The following MAB21L3 variants were observed in gnomAD, a reference collection of about 807,000 sequenced individuals.
MAB21L3 encodes the protein protein mab-21-like 3.
A neutral mutation model predicts 37.7 loss-of-function variants in MAB21L3; 36 were observed. The ratio of observed to expected loss-of-function variants is 0.96; its 90% CI spans 0.73 to 1.26. The LOEUF is 1.26. MAB21L3 is among the 50% of genes most tolerant of loss of function. The probability of loss-of-function intolerance (pLI) is 0.00; values close to 1 mark genes in which losing one functional copy is unlikely to be tolerated. For missense variants in MAB21L3, 430 were observed against 447.3 expected, an observed-to-expected ratio of 0.96 and a Z score of 0.35; for synonymous variants, 186 against 176.8, an observed-to-expected ratio of 1.05 and a Z score of -0.41.
At chr1:116,112,124 G>T (rs939823686) in intron 2 of MAB21L3, among the ~76,000 whole-genome samples, 1 of 152,142 alleles carries the variant, frequency 6.6e-6, no homozygotes, top group Non-Finnish European at 1.5e-5. Context: ...AGAGCAAGGG[G>T]TGTTTACTGT....
intron 7 of MAB21L3, among the ~76,000 whole-genome samples, chr1:116,130,647 G>C (rs976273736): frequency 2.0e-5 from 3 of 152,204 alleles, no homozygotes; most frequent in African/African-American, 7.2e-5. Flanking sequence ...ACTCAGCCTT[G>C]CCTCACCTTA....
intron 7 of MAB21L3, among the ~76,000 whole-genome samples, chr1:116,129,781 T>A (rs910256705): frequency 1.3e-5 from 2 of 152,252 alleles, no homozygotes; most frequent in African/African-American, 4.8e-5. Flanking sequence ...ACTCAACTTT[T>A]CTCTTTTTTT....
At chr1:116,124,774 A>C (rs1008244283) in intron 5 of MAB21L3, among the ~76,000 whole-genome samples, 2 of 152,112 alleles carry the variant, frequency 1.3e-5, no homozygotes, top group African/African-American at 2.4e-5. Flanking sequence ...ACATTTGGAA[A>C]CCACTAACTT....
chr1:116,123,421 A>T (rs766305240), intron 4 of MAB21L3, among the ~76,000 whole-genome samples: 1 of 152,068 alleles, frequency 6.6e-6, no homozygotes, highest in African/African-American at 2.4e-5. Context: ...AAAAAAGGAG[A>T]TATTTTACAA....
At chr1:116,125,166 T>C (rs114654522) in intron 5 of MAB21L3, among the ~76,000 whole-genome samples, 2,724 of 152,162 alleles carry the variant, frequency 0.018, 37 homozygotes, top group Middle Eastern at 0.065. Flanking sequence ...CTAAAAGAAA[T>C]GAAAAGTTTG....
rs1557936507 is a variant in MAB21L3 at position 116,134,930 on chromosome 1, A to G, written c.*1565A>G. ...TTTTGCCCAAATGTCTATACCAAAGATAAATTTCTAAAGCATGAACTACTG... is the reference window on the plus strand; with the variant it reads ...TTTTGCCCAAATGTCTATACCAAAGGTAAATTTCTAAAGCATGAACTACTG... On this transcript the variant is annotated 3_prime_UTR_variant, in exon 8 of 8. Coordinates refer to ENST00000369500, the MANE Select transcript of MAB21L3 (RefSeq NM_152367.3). 6.6e-6 allele frequency: 1 copy of G among 152,254 alleles called. No homozygotes were observed. Among genetic ancestry groups the G allele is most frequent in the African/African-American group, 2.4e-5 (1 of 41,466 alleles). 9.4% of individuals were successfully genotyped at this position (152,254 alleles called of 1,614,324 possible).
chr1:116,137,407 A>T lies in MAB21L3; in HGVS notation c.*4042A>T, dbSNP rs1660218133. Reference sequence around the variant, plus strand: ...CATCACTGGCCATCAGAGAAATGCAAATCAAAACCACAGTGAGATACCATC... The same window carrying T: ...CATCACTGGCCATCAGAGAAATGCATATCAAAACCACAGTGAGATACCATC... On this transcript the variant is annotated 3_prime_UTR_variant, in exon 8 of 8. Transcript: ENST00000369500. 7.7e-6 allele frequency among the ~76,000 whole-genome samples: 1 copy of T among 129,334 alleles called. No individual in the cohort carries two copies. Among genetic ancestry groups the T allele is most frequent in the Non-Finnish European group, 1.5e-5 (1 of 65,584 alleles). The allele number at this position is 129,334 out of a possible 152,430, so 84.8% of individuals were successfully genotyped here.
At position 116,134,617 on chromosome 1, in the gene MAB21L3, G is replaced by A. The variant is rs1257230139; in HGVS notation, c.*1252G>A. The stretch of plus-strand genomic sequence containing the variant: ...ATCAGTATTTTATTCTAAGATCAAA[G>A]GTGTGACATTTGGCCTCTCCAGAAG... On this transcript the variant is annotated 3_prime_UTR_variant, in exon 8 of 8. Coordinates refer to ENST00000369500, the MANE Select transcript of MAB21L3 (RefSeq NM_152367.3). 6.6e-6 allele frequency: 1 copy of A among 152,212 alleles called. No homozygotes were observed. The highest frequency in any genetic ancestry group is 1.9e-4 in the East Asian group (1 of 5,206). 9.4% of individuals were successfully genotyped at this position (152,212 alleles called of 1,614,324 possible).
At chr1:116,118,749 A>T (rs1040012372) in intron 3 of MAB21L3, among the ~76,000 whole-genome samples, 5 of 152,192 alleles carry the variant, frequency 3.3e-5, no homozygotes, top group African/African-American at 1.2e-4. Context: ...CTGGCTCAAT[A>T]CCTGCTATTT....
At chr1:116,132,127 G>A (rs1164191210) in intron 7 of MAB21L3, among the ~76,000 whole-genome samples, 1 of 152,144 alleles carries the variant, frequency 6.6e-6, no homozygotes, top group African/African-American at 2.4e-5. Flanking sequence ...CGATAAGCAG[G>A]TCAGAGGAGA....
rs1265247121 is a variant in MAB21L3 at position 116,111,400 on chromosome 1, C to T, written c.-502C>T. On this transcript the variant is annotated 5_prime_UTR_variant, in exon 1 of 8. Transcript: ENST00000369500. The stretch of plus-strand genomic sequence containing the variant: ...GCTCTGATGCGGCTTTTGCTTGGGG[C>T]AGAGTATGGGAAGATATGCAAACGC... Among the ~76,000 whole-genome samples, 1 of 152,042 alleles carries T rather than the reference C, an allele frequency of 6.6e-6. No individual in the cohort carries two copies. Among genetic ancestry groups the T allele is most frequent in the African/African-American group, 2.4e-5 (1 of 41,382 alleles).
chr1:116,131,468 T>C (rs1175643098), intron 7 of MAB21L3, among the ~76,000 whole-genome samples: 1 of 152,222 alleles, frequency 6.6e-6, no homozygotes, highest in Non-Finnish European at 1.5e-5. Context: ...AGGATGATGT[T>C]TTTAGCTAAC....
At chr1:116,128,406 C>T (rs1444235422) in intron 7 of MAB21L3, 67 bp downstream of exon 7, 1 of 1,465,304 alleles carries the variant, frequency 6.8e-7, no homozygotes, top group East Asian at 2.4e-5. Context: ...CCTGTGGCCT[C>T]TGTAGGGCCT....
chr1:116,119,054 A>G (rs1431597700), intron 3 of MAB21L3, among the ~76,000 whole-genome samples: 1 of 152,250 alleles, frequency 6.6e-6, no homozygotes, highest in Non-Finnish European at 1.5e-5. Flanking sequence ...AATTACTCAA[A>G]TGGAATTGAA....
intron 4 of MAB21L3, among the ~76,000 whole-genome samples, chr1:116,122,810 T>C (rs944549533): frequency 2.0e-5 from 3 of 152,210 alleles, no homozygotes; most frequent in African/African-American, 7.2e-5. Flanking sequence ...AAGCACCACT[T>C]ATATGACTAA....
intron 3 of MAB21L3, among the ~76,000 whole-genome samples, chr1:116,116,451 C>T (rs1468125186): frequency 6.6e-6 from 1 of 152,256 alleles, no homozygotes; most frequent in East Asian, 1.9e-4. Context: ...TGTTAGATGC[C>T]AGAACAGTTG....
intron 3 of MAB21L3, among the ~76,000 whole-genome samples, chr1:116,118,296 C>T (rs1364137961): frequency 6.6e-6 from 1 of 151,954 alleles, no homozygotes; most frequent in Non-Finnish European, 1.5e-5. Context: ...GCAGGACAAT[C>T]ACTTGAACCG....
At chr1:116,121,147 C>G in intron 4 of MAB21L3, 75 bp downstream of exon 4, 1 of 1,406,252 alleles carries the variant, frequency 7.1e-7, no homozygotes, top group South Asian at 1.3e-5. Context: ...CAGTGTGTGA[C>G]AGATGCTTGC....
chr1:116,112,557 A>C lies in MAB21L3; in HGVS notation c.-59A>C. 4 of 1,532,136 alleles carry C rather than the reference A, an allele frequency of 2.6e-6. No individual in the cohort carries two copies. In the South Asian group the frequency reaches 4.5e-5, roughly 17 times the overall value. 94.9% of individuals were successfully genotyped at this position (1,532,136 alleles called of 1,614,324 possible). On this transcript the variant is annotated 5_prime_UTR_variant, in exon 3 of 8. Transcript: ENST00000369500. ...TATCTACTCACAAGTGTTGCACTCC[A>C]TTGAGAAAAAAAAAAAAACCAGGAA...
Sources: gnomAD v4.1 joint callset for allele counts (sites outside exome capture counted in the v4.1 genomes callset) on GRCh38, gnomAD v4.1.1 for gene constraint, MANE v1.5 for transcripts, NCBI Gene and HGNC (gene_info 2026-07-23, HGNC 2026-07-21) for gene names.